The following TANC2 variants were observed in gnomAD, a reference collection of about 807,000 sequenced individuals.
TANC2 encodes the protein protein TANC2.
Under a neutral mutation model 210.5 loss-of-function variants are expected in TANC2, and 26 were observed. That is an observed-to-expected ratio of 0.12 (90% CI 0.09 to 0.17). The LOEUF (loss-of-function observed/expected upper bound fraction) is 0.17. TANC2 is among the 10% of genes least tolerant of loss of function. TANC2 has a pLI of 1.00. For synonymous variants in TANC2, 931 were observed against 967.1 expected, an observed-to-expected ratio of 0.96 and a Z score of 0.69; for missense variants, 2,129 against 2,608.9, an observed-to-expected ratio of 0.82 and a Z score of 4.01.
intron 5 of TANC2, among the ~76,000 whole-genome samples, chr17:63,175,293 G>A (rs887660107): frequency 5.9e-5 from 9 of 152,158 alleles, no homozygotes; most frequent in Non-Finnish European, 1.3e-4. Flanking sequence ...AGATTTAGCT[G>A]AGGCTGAAGG....
At chr17:63,065,520 A>G (rs1459446417) in intron 2 of TANC2, among the ~76,000 whole-genome samples, 2 of 152,222 alleles carry the variant, frequency 1.3e-5, no homozygotes, top group Non-Finnish European at 2.9e-5. Context: ...CTAATTTTAT[A>G]TTACTACCAA....
At chr17:63,066,233 A>C (rs561219805) in intron 2 of TANC2, among the ~76,000 whole-genome samples, 1 of 152,130 alleles carries the variant, frequency 6.6e-6, no homozygotes, top group East Asian at 1.9e-4. Flanking sequence ...TTCTGGGGCT[A>C]GTGTGGAGCC....
Position 63,350,854 on chromosome 17 carries a change from C to A in TANC2, c.1808-396C>A, listed in dbSNP as rs2046581521. 2.1e-5 allele frequency among the ~76,000 whole-genome samples: 3 copies of A among 140,636 alleles called. No homozygotes were observed. The South Asian group carries it at 6.8e-4, about 32-fold the overall frequency. The allele number at this position is 140,636 out of a possible 152,430, so 92.3% of individuals were successfully genotyped here. ...TCCCAAAAGAACATATGATACTATT[C>A]TCTTTAATGCTGTCAGATAGGGAAA... On this transcript the variant is annotated intron_variant, in intron 12 of 27. Coordinates refer to ENST00000689528, the Ensembl canonical transcript of TANC2.
chr17:63,376,011 T>C (rs1332118611), intron 14 of TANC2, among the ~76,000 whole-genome samples: 1 of 151,148 alleles, frequency 6.6e-6, no homozygotes, highest in Non-Finnish European at 1.5e-5. Context: ...TGCTTGAACG[T>C]GGGAAGTGGA....
At chr17:63,157,676 C>G (rs748662595) in intron 5 of TANC2, among the ~76,000 whole-genome samples, 1 of 151,524 alleles carries the variant, frequency 6.6e-6, no homozygotes, top group Admixed American at 6.6e-5. Context: ...TGTAAAGATA[C>G]GACATATTAA....
chr17:63,141,507 A>G (rs750457501), intron 4 of TANC2, among the ~76,000 whole-genome samples: 1 of 149,900 alleles, frequency 6.7e-6, no homozygotes, highest in Non-Finnish European at 1.5e-5. Context: ...GTGAGGTTGC[A>G]GTGAGCCTAG....
At position 63,187,784 on chromosome 17, in the gene TANC2, G is replaced by A. The variant is rs571951967; in HGVS notation, c.434-6207G>A. Among the ~76,000 whole-genome samples, 11 of 152,042 alleles carry A rather than the reference G, an allele frequency of 7.2e-5. No individual in the cohort carries two copies. In the South Asian group the frequency reaches 2.3e-3, roughly 32 times the overall value. On this transcript the variant is annotated intron_variant, in intron 5 of 27. Transcript: ENST00000689528. ...AAATCAGTCAGAAAAATCACAGACA[G>A]TGGAGAAACAAAGATGACAGCACAC... is the stretch of plus-strand genomic sequence containing the variant.
At chr17:63,355,516 C>A in intron 14 of TANC2, 126 bp downstream of exon 14, 2 of 1,092,902 alleles carry the variant, frequency 1.8e-6, no homozygotes, top group South Asian at 1.8e-5. Flanking sequence ...ATCTGTGTTT[C>A]TTCTCAAGGC....
chr17:63,021,087 ATT>A (rs1415304488), intron 2 of TANC2, among the ~76,000 whole-genome samples: 2 of 152,150 alleles, frequency 1.3e-5, no homozygotes, highest in African/African-American at 2.4e-5. Context: ...TCAACATGAG[ATT>A]TGGAGGGGAC....
chr17:63,134,159 A>G (rs1165381910), intron 4 of TANC2, among the ~76,000 whole-genome samples: 1 of 152,160 alleles, frequency 6.6e-6, no homozygotes, highest in Non-Finnish European at 1.5e-5. Context: ...AGGGACAGAC[A>G]TAACTGAGGT....
At chr17:62,996,475 C>T (rs983806446) in intron 1 of TANC2, among the ~76,000 whole-genome samples, 9 of 152,020 alleles carry the variant, frequency 5.9e-5, no homozygotes, top group African/African-American at 1.2e-4. Flanking sequence ...GATTTCTGTC[C>T]GTCACTTCCC....
At chr17:63,000,278 T>C (rs1382142912) in intron 1 of TANC2, among the ~76,000 whole-genome samples, 1 of 152,250 alleles carries the variant, frequency 6.6e-6, no homozygotes, top group African/African-American at 2.4e-5. Flanking sequence ...CAGGATGTCA[T>C]GATCATCAAA....
intron 2 of TANC2, among the ~76,000 whole-genome samples, chr17:63,025,811 TA>T (rs1568327193): frequency 4.5e-4 from 54 of 119,670 alleles, no homozygotes; most frequent in African/African-American, 2.0e-3. Flanking sequence ...TAAAATAAAA[TA>T]AAATTAAATT....
At position 63,269,083 on chromosome 17, in the gene TANC2, A is replaced by G. The variant is rs191611477; in HGVS notation, c.1159+1210A>G. On this transcript the variant is annotated intron_variant, in intron 9 of 27. Transcript: ENST00000689528. ...AATTCCCATGGGAAGGAATTTATACATGTCTGCTGTCCACTCTAGACATCA... is the reference window on the plus strand; with the variant it reads ...AATTCCCATGGGAAGGAATTTATACGTGTCTGCTGTCCACTCTAGACATCA... Among the ~76,000 whole-genome samples the G allele has an allele frequency of 4.3e-4, 65 of 152,314 alleles. No individual in the cohort carries two copies. In the East Asian group the frequency reaches 0.012, roughly 28 times the overall value.
chr17:63,093,030 G>A (rs1398730848), intron 3 of TANC2, among the ~76,000 whole-genome samples: 2 of 151,956 alleles, frequency 1.3e-5, no homozygotes, highest in African/African-American at 2.4e-5. Flanking sequence ...CTTTCAATCG[G>A]TACTGCTTTT....
chr17:63,410,738 T>G (rs1185144537), intron 21 of TANC2, among the ~76,000 whole-genome samples: 5 of 151,224 alleles, frequency 3.3e-5, no homozygotes, highest in African/African-American at 1.2e-4. Context: ...GTGCATGCCT[T>G]TAATCCCAGC....
At chr17:63,132,865 A>G (rs1489089022) in intron 4 of TANC2, among the ~76,000 whole-genome samples, 4 of 152,186 alleles carry the variant, frequency 2.6e-5, no homozygotes, top group Admixed American at 2.6e-4. Flanking sequence ...CTCAATAGTC[A>G]TTTTAGTCTA....
intron 9 of TANC2, among the ~76,000 whole-genome samples, chr17:63,270,705 G>A (rs769393524): frequency 4.6e-5 from 7 of 152,056 alleles, no homozygotes; most frequent in Non-Finnish European, 8.8e-5. Flanking sequence ...GGGTACATGT[G>A]CAGGTTTGTT....
chr17:63,246,342 T>C (rs1446738725), intron 8 of TANC2, among the ~76,000 whole-genome samples: 1 of 152,022 alleles, frequency 6.6e-6, no homozygotes, highest in Non-Finnish European at 1.5e-5. Flanking sequence ...TTATATATTA[T>C]AAAATTCACC....
Sources: allele counts gnomAD v4.1 joint callset (sites outside exome capture counted in the v4.1 genomes callset), GRCh38; gene constraint gnomAD v4.1.1; transcripts MANE v1.5; gene names NCBI Gene and HGNC (gene_info 2026-07-23, HGNC 2026-07-21).